Variants in CXCL13 observed in about 807,000 individuals in gnomAD.
The protein encoded by CXCL13 is C-X-C motif chemokine 13.
In CXCL13, 7 loss-of-function variants were observed where a neutral mutation model predicts 12.2. The observed-to-expected ratio is 0.57, with a 90% CI of 0.33 to 1.07. The LOEUF (loss-of-function observed/expected upper bound fraction) is 1.07. CXCL13 is among the 50% of genes least tolerant of loss of function. The pLI, the probability that CXCL13 is intolerant of heterozygous loss-of-function variation, is 0.04. For missense variants in CXCL13, 113 were observed against 127.4 expected, an observed-to-expected ratio of 0.89 and a Z score of 0.55; for synonymous variants, 47 against 42.4, an observed-to-expected ratio of 1.11 and a Z score of -0.42.
intron 1 of CXCL13, among the ~76,000 whole-genome samples, chr4:77,591,813 G>A (rs1726619043): frequency 6.6e-6 from 1 of 152,194 alleles, no homozygotes; most frequent in Admixed American, 6.5e-5. Context: ...GCAAGTGCCT[G>A]TGCACAGTCA....
intron 1 of CXCL13, among the ~76,000 whole-genome samples, chr4:77,606,336 T>C (rs967300480): frequency 3.9e-5 from 6 of 152,210 alleles, no homozygotes; most frequent in Non-Finnish European, 5.9e-5. Flanking sequence ...ACATGCTTCA[T>C]GTAACTCCAA....
chr4:77,561,896 G>A (rs866488494), intron 1 of CXCL13, among the ~76,000 whole-genome samples: 35 of 152,194 alleles, frequency 2.3e-4, no homozygotes, highest in Non-Finnish European at 3.2e-4. Context: ...AGGGAAAGGC[G>A]CAGGTGGGAA....
intron 1 of CXCL13, among the ~76,000 whole-genome samples, chr4:77,531,130 T>C (rs954110878): frequency 6.2e-5 from 9 of 144,988 alleles, no homozygotes; most frequent in South Asian, 4.3e-4. Flanking sequence ...TTATTATTAT[T>C]ATCATTATTA....
At chr4:77,534,278 A>T (rs548738844) in intron 1 of CXCL13, among the ~76,000 whole-genome samples, 84 of 152,234 alleles carry the variant, frequency 5.5e-4, no homozygotes, top group Non-Finnish European at 9.4e-4. Flanking sequence ...CTATGTTCAC[A>T]CAAAAACCTG....
chr4:77,604,051 C>G (rs17002738), upstream of CXCL13, among the ~76,000 whole-genome samples: 3,052 of 152,266 alleles, frequency 0.02, 91 homozygotes, highest in African/African-American at 0.068. Context: ...GCCTACTCAA[C>G]TCTCTCTTAA....
At chr4:77,526,216 GT>G (rs1016650033) in intron 1 of CXCL13, among the ~76,000 whole-genome samples, 2 of 151,802 alleles carry the variant, frequency 1.3e-5, no homozygotes, top group Non-Finnish European at 2.9e-5. Flanking sequence ...TAAACAAGAG[GT>G]TTGTTTCATG....
chr4:77,590,066 G>GGATT (rs1176586716), intron 1 of CXCL13, among the ~76,000 whole-genome samples: 4 of 152,052 alleles, frequency 2.6e-5, no homozygotes, highest in Admixed American at 6.6e-5. Flanking sequence ...TATTAACATA[G>GGATT]GATTACAGCC....
At chr4:77,533,635 G>T (rs1401036913) in intron 1 of CXCL13, among the ~76,000 whole-genome samples, 2 of 152,178 alleles carry the variant, frequency 1.3e-5, no homozygotes, top group Non-Finnish European at 2.9e-5. Context: ...CCCAGAGGTG[G>T]AGTCTATAGC....
chr4:77,545,622 G>A (rs1055485958), intron 1 of CXCL13, among the ~76,000 whole-genome samples: 1 of 152,146 alleles, frequency 6.6e-6, no homozygotes, highest in Non-Finnish European at 1.5e-5. Flanking sequence ...TGCTGAAGTT[G>A]CTTATCAGCT....
intron 1 of CXCL13, among the ~76,000 whole-genome samples, chr4:77,536,211 T>C (rs1268519327): frequency 6.6e-6 from 1 of 152,168 alleles, no homozygotes; most frequent in African/African-American, 2.4e-5. Context: ...TAGTTTACAC[T>C]CTGCCTTATT....
At chr4:77,541,630 T>C (rs1377759577) in intron 1 of CXCL13, among the ~76,000 whole-genome samples, 1 of 152,234 alleles carries the variant, frequency 6.6e-6, no homozygotes, top group Non-Finnish European at 1.5e-5. Flanking sequence ...TTGTGTAGTT[T>C]GAAGTCAGGT....
intron 1 of CXCL13, among the ~76,000 whole-genome samples, chr4:77,540,076 C>T (rs888528231): frequency 6.6e-6 from 1 of 151,992 alleles, no homozygotes; most frequent in African/African-American, 2.4e-5. Flanking sequence ...AAAATAGACA[C>T]GATATTTTTT....
intron 1 of CXCL13, among the ~76,000 whole-genome samples, chr4:77,544,939 G>A (rs1156321937): frequency 2.0e-5 from 3 of 152,154 alleles, no homozygotes; most frequent in South Asian, 2.1e-4. Flanking sequence ...GGTAAGGAAG[G>A]GATCCAGCTT....
chr4:77,550,408 A>G (rs1725484082), intron 1 of CXCL13, among the ~76,000 whole-genome samples: 1 of 152,160 alleles, frequency 6.6e-6, no homozygotes, highest in Non-Finnish European at 1.5e-5. Flanking sequence ...TGCAGAAATC[A>G]TCTGTCTTCT....
chr4:77,552,140 T>C (rs1725546748), intron 1 of CXCL13, among the ~76,000 whole-genome samples: 1 of 152,220 alleles, frequency 6.6e-6, no homozygotes, highest in Non-Finnish European at 1.5e-5. Flanking sequence ...TACTTTGGTG[T>C]CACTACATTC....
At chr4:77,541,842 G>T (rs1011560835) in intron 1 of CXCL13, among the ~76,000 whole-genome samples, 1 of 152,112 alleles carries the variant, frequency 6.6e-6, no homozygotes, top group Non-Finnish European at 1.5e-5. Context: ...TTCCAATCAT[G>T]AGCATGGAAT....
chr4:77,610,704 G>A lies in CXCL13; in HGVS notation c.278+10G>A. On this transcript the variant is annotated intron_variant, in intron 3 of 3. Transcript: ENST00000682537. ...TGGAAGTATTGAGAAAGTAAGTTAG[G>A]CATAACAAGGGGTTTCAGATTCCAA... 2 of 1,598,424 alleles carry A rather than the reference G, an allele frequency of 1.3e-6. No individual in the cohort carries two copies. Among genetic ancestry groups the A allele is most frequent in the Non-Finnish European group, 1.7e-6 (2 of 1,165,742 alleles).
At chr4:77,542,577 C>A (rs1038183349) in intron 1 of CXCL13, among the ~76,000 whole-genome samples, 1 of 152,112 alleles carries the variant, frequency 6.6e-6, no homozygotes, top group Non-Finnish European at 1.5e-5. Context: ...CTGGGGATTA[C>A]AATTCTACAA....
intron 1 of CXCL13, among the ~76,000 whole-genome samples, chr4:77,566,323 G>A (rs1358624190): frequency 6.6e-6 from 1 of 152,142 alleles, no homozygotes; most frequent in Non-Finnish European, 1.5e-5. Context: ...TCATTCAGGG[G>A]TTAAGAACAT....
Sources: allele counts gnomAD v4.1 joint callset (sites outside exome capture counted in the v4.1 genomes callset), GRCh38; gene constraint gnomAD v4.1.1; transcripts MANE v1.5; gene names NCBI Gene and HGNC (gene_info 2026-07-23, HGNC 2026-07-21).